Variants in VAPA observed in about 807,000 individuals in gnomAD.
VAPA encodes the protein VAMP associated protein A, also known as vesicle-associated membrane protein-associated protein A.
A neutral mutation model predicts 25.6 loss-of-function variants in VAPA; 6 were observed. The observed-to-expected ratio is 0.23, with a 90% CI of 0.13 to 0.46. VAPA has a LOEUF of 0.46. Among genes scored for constraint, VAPA ranks in the 20% least tolerant of loss-of-function variants. VAPA has a pLI of 0.99. For missense variants in VAPA, 244 were observed against 302.1 expected (o/e 0.81, Z 1.43); for synonymous variants, 112 against 106.2 (o/e 1.05, Z -0.34).
Position 9,956,703 on chromosome 18 carries a change from T to G in VAPA, c.*2492T>G, listed in dbSNP as rs1348529277. The G allele has an allele frequency of 6.6e-6, 1 of 152,662 alleles. No homozygotes were observed. The highest frequency in any genetic ancestry group is 1.5e-5 in the Non-Finnish European group (1 of 68,036). The allele number at this position is 152,662 out of a possible 1,614,324, so 9.5% of individuals were successfully genotyped here. ...TATTAATTGACTGATAATATGATAA[T>G]ATAGAGATTAAATTGTTTGTCTTCA... On this transcript the variant is annotated 3_prime_UTR_variant, in exon 6 of 6. Transcript: ENST00000400000.
At chr18:9,918,102 A>G (rs909523504) in intron 1 of VAPA, among the ~76,000 whole-genome samples, 1 of 152,174 alleles carries the variant, frequency 6.6e-6, no homozygotes, top group Admixed American at 6.5e-5. Context: ...TCCCTGAGAA[A>G]GAAAAACCCT....
chr18:9,920,764 C>A (rs1455499711), intron 1 of VAPA, among the ~76,000 whole-genome samples: 1 of 152,246 alleles, frequency 6.6e-6, no homozygotes, highest in East Asian at 1.9e-4. Flanking sequence ...GCCTCAGTGT[C>A]TATTCTTTTT....
At chr18:9,946,469 TG>T (rs1427215531) in intron 4 of VAPA, among the ~76,000 whole-genome samples, 4 of 138,018 alleles carry the variant, frequency 2.9e-5, no homozygotes, top group Admixed American at 1.5e-4. Context: ...AGTTTTTTTT[TG>T]TGTGATTTTT....
chr18:9,954,236 CTTTTT>C lies in VAPA; in HGVS notation c.*34_*38del. The stretch of plus-strand genomic sequence containing the variant: ...GAGTGAAGCATGCAGAGTGCTGTTT[CTTTTT>C]TTTTTTTTCTCTTGACCAGAAAAAG... On this transcript the variant is annotated 3_prime_UTR_variant, in exon 6 of 6. Transcript: ENST00000400000. The C allele has an allele frequency of 2.2e-6, 3 of 1,343,942 alleles. No homozygotes were observed. Among genetic ancestry groups the C allele is most frequent in the Non-Finnish European group, 3.0e-6 (3 of 991,826 alleles). The allele number at this position is 1,343,942 out of a possible 1,614,324, so 83.3% of individuals were successfully genotyped here.
At position 9,959,567 on chromosome 18, in the gene VAPA, T is replaced by A. The variant is rs996577733; in HGVS notation, c.*5356T>A. ...TAAGATTTAATGATTAAAGCAAGAG[T>A]TTTTTATAATTGACTTTGTGGTCTA... On this transcript the variant is annotated 3_prime_UTR_variant, in exon 6 of 6. Coordinates refer to ENST00000400000, the MANE Select transcript of VAPA (RefSeq NM_194434.3). 6.6e-6 allele frequency: 1 copy of A among 151,616 alleles called. No homozygotes were observed. Among genetic ancestry groups the A allele is most frequent in the Non-Finnish European group, 1.5e-5 (1 of 67,926 alleles). The allele number at this position is 151,616 out of a possible 1,614,324, so 9.4% of individuals were successfully genotyped here.
intron 1 of VAPA, chr18:9,923,924 T>A (rs1453937215): frequency 5.7e-6 from 1 of 174,584 alleles, no homozygotes; most frequent in Non-Finnish European, 1.2e-5. Context: ...AAGCTGTCTA[T>A]GGCCATACCA....
intron 4 of VAPA, chr18:9,947,550 A>G (rs988227910): frequency 1.3e-5 from 2 of 152,222 alleles, no homozygotes; most frequent in African/African-American, 4.8e-5. Flanking sequence ...AGATTGGTTT[A>G]TTGTTTTAGT....
intron 3 of VAPA, 134 bp downstream of exon 3, chr18:9,936,347 A>AC: frequency 2.0e-6 from 1 of 498,054 alleles, no homozygotes; most frequent in Non-Finnish European, 3.6e-6. Context: ...CAATTTCTTC[A>AC]TTATAGATAA....
At chr18:9,922,056 C>T (rs1386307672) in intron 1 of VAPA, among the ~76,000 whole-genome samples, 2 of 152,140 alleles carry the variant, frequency 1.3e-5, no homozygotes, top group African/African-American at 4.8e-5. Context: ...TAGCTCACTG[C>T]AGCCTTGAAC....
chr18:9,933,454 G>C (rs1203122021), intron 2 of VAPA, among the ~76,000 whole-genome samples: 2 of 152,200 alleles, frequency 1.3e-5, no homozygotes, highest in Non-Finnish European at 2.9e-5. Context: ...AGAGAGATGG[G>C]AAATAAAGAT....
At chr18:9,950,673 G>T in intron 5 of VAPA, 105 bp downstream of exon 5, 3 of 1,267,402 alleles carry the variant, frequency 2.4e-6, no homozygotes, top group Non-Finnish European at 3.2e-6. Flanking sequence ...TGCTTGGTCA[G>T]TTCTTTCTTC....
Position 9,914,247 on chromosome 18 carries a change from T to C in VAPA, c.-10T>C. 1 of 1,577,950 alleles carries C rather than the reference T, an allele frequency of 6.3e-7. No individual in the cohort carries two copies. Among genetic ancestry groups the C allele is most frequent in the Non-Finnish European group, 8.6e-7 (1 of 1,164,314 alleles). ...CCGCGGGCGCGCCCCCGCTCTGCGC[T>C]GTCTCTCCGATGGCGTCCGCCTCAG... On this transcript the variant is annotated 5_prime_UTR_variant, in exon 1 of 6. Transcript: ENST00000400000.
intron 1 of VAPA, among the ~76,000 whole-genome samples, chr18:9,931,187 C>A (rs1162690296): frequency 6.6e-6 from 1 of 152,158 alleles, no homozygotes; most frequent in African/African-American, 2.4e-5. Flanking sequence ...CATAATTTTT[C>A]TTCAGGCTTT....
In VAPA at chr18:9,956,799, A is replaced by G. The variant is rs1018857987; in HGVS notation, c.*2588A>G. 6.6e-6 allele frequency: 1 copy of G among 152,292 alleles called. No individual in the cohort carries two copies. Among genetic ancestry groups the G allele is most frequent in the Non-Finnish European group, 1.5e-5 (1 of 68,034 alleles). 9.4% of individuals were successfully genotyped at this position (152,292 alleles called of 1,614,324 possible). On this transcript the variant is annotated 3_prime_UTR_variant, in exon 6 of 6. Coordinates refer to ENST00000400000, the MANE Select transcript of VAPA (RefSeq NM_194434.3). ...GTATATGTAAGCATGAGGGAAATACACTGTTGCTAATACTGAAATTACAAT... is the reference window on the plus strand; with the variant it reads ...GTATATGTAAGCATGAGGGAAATACGCTGTTGCTAATACTGAAATTACAAT...
At chr18:9,914,786 G>A (rs1314020348) in intron 1 of VAPA, 1 of 152,472 alleles carries the variant, frequency 6.6e-6, no homozygotes, top group Non-Finnish European at 1.5e-5. Context: ...GGGCTCTGGA[G>A]GTGGCGCAAG....
chr18:9,950,775 A>C, intron 5 of VAPA: 2 of 519,912 alleles, frequency 3.8e-6, no homozygotes, highest in Non-Finnish European at 6.8e-6. Flanking sequence ...TTTAGCACAC[A>C]TTCTAATTAT....
chr18:9,936,328 A>C lies in VAPA; in HGVS notation c.336+115A>C. 3 of 565,246 alleles carry C rather than the reference A, an allele frequency of 5.3e-6. No homozygotes were observed. In the South Asian group the frequency reaches 1.2e-4, roughly 23 times the overall value. The allele number at this position is 565,246 out of a possible 1,614,324, so 35.0% of individuals were successfully genotyped here. ...ACTAAAAGTTAAATTTAGGTTTTTA[A>C]AAAACTGCCAATTTCTTCATTATAG... On this transcript the variant is annotated intron_variant, in intron 3 of 5. Coordinates refer to ENST00000400000, the MANE Select transcript of VAPA (RefSeq NM_194434.3).
At position 9,956,517 on chromosome 18, in the gene VAPA, T is replaced by C. The variant is rs775414150; in HGVS notation, c.*2306T>C. 1 of 152,584 alleles carries C rather than the reference T, an allele frequency of 6.6e-6. No individual in the cohort carries two copies. The highest frequency in any genetic ancestry group is 1.5e-5 in the Non-Finnish European group (1 of 68,038). 9.5% of individuals were successfully genotyped at this position (152,584 alleles called of 1,614,324 possible). A position where few individuals can be genotyped will look rare whatever the true frequency, so the allele number is the denominator to read the frequency against. ...TGGTTGCTTTTGAGATAGATTGTAGTCTGGGTAGCATCTTTAAAATGTATG... is the reference window on the plus strand; with the variant it reads ...TGGTTGCTTTTGAGATAGATTGTAGCCTGGGTAGCATCTTTAAAATGTATG... On this transcript the variant is annotated 3_prime_UTR_variant, in exon 6 of 6. Coordinates refer to ENST00000400000, the MANE Select transcript of VAPA (RefSeq NM_194434.3).
At position 9,959,843 on chromosome 18, in the gene VAPA, AC is replaced by A. The variant is rs771869808; in HGVS notation, c.*5633del. On this transcript the variant is annotated 3_prime_UTR_variant, in exon 6 of 6. Coordinates refer to ENST00000400000, the MANE Select transcript of VAPA (RefSeq NM_194434.3). Reference sequence around the variant, plus strand: ...TTCAAATAGAGGTTTGTTAGGAATTACAGTTGTGGGGAGCAAACTTTCTTTT... The same window carrying A: ...TTCAAATAGAGGTTTGTTAGGAATTAAGTTGTGGGGAGCAAACTTTCTTTT... 10 of 151,826 alleles carry A rather than the reference AC, an allele frequency of 6.6e-5. No individual in the cohort carries two copies. In the East Asian group the frequency reaches 1.7e-3, roughly 26 times the overall value. The allele number at this position is 151,826 out of a possible 1,614,324, so 9.4% of individuals were successfully genotyped here.
Sources: gnomAD v4.1 joint callset for allele counts (sites outside exome capture counted in the v4.1 genomes callset) on GRCh38, gnomAD v4.1.1 for gene constraint, MANE v1.5 for transcripts, NCBI Gene and HGNC (gene_info 2026-07-23, HGNC 2026-07-21) for gene names.